Variants in PELI2 observed in about 807,000 individuals in gnomAD.
PELI2 encodes E3 ubiquitin-protein ligase pellino homolog 2.
Under a neutral mutation model 42.3 loss-of-function variants are expected in PELI2, and 23 were observed. The ratio of observed to expected loss-of-function variants is 0.54; its 90% CI spans 0.39 to 0.77. The LOEUF is 0.77. Ranked by LOEUF, PELI2 falls within the 30% of genes least tolerant of loss-of-function variation. PELI2 has a pLI of 0.00. For synonymous variants in PELI2, 245 were observed against 212.2 expected (o/e 1.15, Z -1.34); for missense variants, 463 against 553.2 (o/e 0.84, Z 1.64).
At chr14:56,128,896 G>T (rs1245288028) in intron 1 of PELI2, among the ~76,000 whole-genome samples, 1 of 152,002 alleles carries the variant, frequency 6.6e-6, no homozygotes, top group Admixed American at 6.6e-5. Flanking sequence ...TTGGGGGAGG[G>T]CAGGTTTTTG....
intron 1 of PELI2, among the ~76,000 whole-genome samples, chr14:56,152,210 G>C (rs948321951): frequency 6.6e-6 from 1 of 152,176 alleles, no homozygotes; most frequent in Non-Finnish European, 1.5e-5. Context: ...CCTTCAGATG[G>C]ACAGGTTAGA....
chr14:56,120,426 C>T (rs939475885), intron 1 of PELI2, among the ~76,000 whole-genome samples: 7 of 152,124 alleles, frequency 4.6e-5, no homozygotes, highest in African/African-American at 1.7e-4. Flanking sequence ...GCTGGAAGTG[C>T]AGGGCATTCC....
At chr14:56,248,179 AC>A (rs1293474329) in intron 2 of PELI2, among the ~76,000 whole-genome samples, 3 of 152,244 alleles carry the variant, frequency 2.0e-5, no homozygotes, top group Non-Finnish European at 2.9e-5. Flanking sequence ...AATGTGAAAT[AC>A]AGTCCAAAAA....
rs1176873691 is a variant in PELI2, at chr14:56,197,039, A to G, written c.207+18575A>G. ...GTGTTTAGATTTTTCTTGCATTAGA[A>G]TTTTTTGTTTATTTAATTAATATTA... On this transcript the variant is annotated intron_variant, in intron 2 of 5. Coordinates refer to ENST00000267460, the MANE Select transcript of PELI2 (RefSeq NM_021255.3). This position sits in a 1 kb window ranked among gnomAD's most constrained non-coding sequence, Gnocchi z 4.9. 2.6e-5 allele frequency among the ~76,000 whole-genome samples: 4 copies of G among 151,834 alleles called. No individual in the cohort carries two copies. Among genetic ancestry groups the G allele is most frequent in the Admixed American group, 2.0e-4 (3 of 15,260 alleles).
chr14:56,175,177 G>A (rs143145626), intron 1 of PELI2, among the ~76,000 whole-genome samples: 298 of 152,122 alleles, frequency 2.0e-3, no homozygotes, highest in Non-Finnish European at 3.4e-3. Context: ...CGTATTTTTT[G>A]TAGAGGTGGG....
intron 1 of PELI2, among the ~76,000 whole-genome samples, chr14:56,121,934 A>T (rs1373358018): frequency 6.6e-6 from 1 of 152,232 alleles, no homozygotes; most frequent in Non-Finnish European, 1.5e-5. Flanking sequence ...AGATGTGCGT[A>T]AAAACAGAAT....
chr14:56,281,094 A>G (rs1013916366), intron 3 of PELI2, among the ~76,000 whole-genome samples: 1 of 152,148 alleles, frequency 6.6e-6, no homozygotes, highest in Non-Finnish European at 1.5e-5. Flanking sequence ...CAACATTTCT[A>G]TAGGGCAACA....
Position 56,297,171 on chromosome 14 carries a change from C to T in PELI2, c.*5C>T. On this transcript the variant is annotated 3_prime_UTR_variant, in exon 6 of 6. Transcript: ENST00000267460. ...TTCCAAGGTCCAATTGACTGACGCC[C>T]TTGACAGCCATCTACGACTTTATTA... 6.3e-7 allele frequency: 1 copy of T among 1,582,874 alleles called. No individual in the cohort carries two copies. Among genetic ancestry groups the T allele is most frequent in the Non-Finnish European group, 8.6e-7 (1 of 1,166,316 alleles).
Position 56,147,483 on chromosome 14 carries a change from C to CT in PELI2, c.77+28749dup, listed in dbSNP as rs535296022. ...ATGAAAATCACTGGTGGGATGGCTT[C>CT]TTTCTTTGTCTCTTACTTAACATTC... On this transcript the variant is annotated intron_variant, in intron 1 of 5. Transcript: ENST00000267460. Among the ~76,000 whole-genome samples, 425 of 152,292 alleles carry CT rather than the reference C, an allele frequency of 2.8e-3. 1 individual carries two copies. The highest frequency in any genetic ancestry group is 9.9e-3 in the African/African-American group (410 of 41,540).
rs142084990 is a variant in PELI2 at position 56,296,930 on chromosome 14, C to G, written c.1027C>G (p.Pro343Ala). Reference sequence around the variant, plus strand: ...GTGTCCCATGTGCAGGACTGTGGGCCCCTATGTGCCTCTCTGGCTTGGCTG... The same window carrying G: ...GTGTCCCATGTGCAGGACTGTGGGCGCCTATGTGCCTCTCTGGCTTGGCTG... The part of the protein sequence containing the change: ...RECPMCRTVG[P>A]YVPLWLGCEA... The change falls in exon 6 of 6, where the codon CCC becomes GCC. Residue 343 changes from proline to alanine, a missense_variant. Coordinates refer to ENST00000267460, the MANE Select transcript of PELI2 (RefSeq NM_021255.3). 3.2e-4 allele frequency: 517 copies of G among 1,613,946 alleles called. 1 individual carries two copies. The highest frequency in any genetic ancestry group is 4.2e-4 in the Non-Finnish European group (491 of 1,179,996).
At chr14:56,164,721 T>C (rs748266469) in intron 1 of PELI2, among the ~76,000 whole-genome samples, 7 of 152,124 alleles carry the variant, frequency 4.6e-5, no homozygotes, top group Non-Finnish European at 8.8e-5. Flanking sequence ...TTACTTGTTA[T>C]TGGTCTGTTC....
intron 1 of PELI2, among the ~76,000 whole-genome samples, chr14:56,166,162 A>G (rs916629356): frequency 2.0e-5 from 3 of 152,162 alleles, no homozygotes; most frequent in African/African-American, 4.8e-5. Flanking sequence ...TGAGGATAAC[A>G]TGAGGCTTGC....
intron 1 of PELI2, among the ~76,000 whole-genome samples, chr14:56,158,933 T>A (rs1165391240): frequency 6.6e-6 from 1 of 152,226 alleles, no homozygotes; most frequent in African/African-American, 2.4e-5. Context: ...TTAAAAAGAA[T>A]CTGATTTTCT....
At chr14:56,271,692 A>G (rs1235743484) in intron 2 of PELI2, among the ~76,000 whole-genome samples, 1 of 152,232 alleles carries the variant, frequency 6.6e-6, no homozygotes, top group African/African-American at 2.4e-5. Flanking sequence ...TGTTGAGAAC[A>G]CAAGCGTACA....
intron 2 of PELI2, among the ~76,000 whole-genome samples, chr14:56,243,883 T>C (rs1356935745): frequency 6.6e-6 from 1 of 152,162 alleles, no homozygotes; most frequent in African/African-American, 2.4e-5. Context: ...AAAAGAAAAA[T>C]TGTAAATAGA....
At chr14:56,168,001 C>G (rs1235450232) in intron 1 of PELI2, among the ~76,000 whole-genome samples, 3 of 152,202 alleles carry the variant, frequency 2.0e-5, no homozygotes, top group Non-Finnish European at 4.4e-5. Flanking sequence ...TTTTTCTCTT[C>G]TCTTACTTTC....
chr14:56,141,830 G>A (rs576199544), intron 1 of PELI2, among the ~76,000 whole-genome samples: 30 of 152,226 alleles, frequency 2.0e-4, no homozygotes, highest in Non-Finnish European at 3.4e-4. Context: ...ATTTGGTTGG[G>A]GACACTGAGC....
intron 2 of PELI2, among the ~76,000 whole-genome samples, chr14:56,264,480 C>T (rs548973661): frequency 2.5e-4 from 38 of 152,062 alleles, no homozygotes; most frequent in Non-Finnish European, 4.6e-4. Context: ...GAAAGTGCTA[C>T]AGTAATATGC....
rs1462480593 is a variant in PELI2 at position 56,298,830 on chromosome 14, A to G, written c.*1664A>G. 1 of 152,440 alleles carries G rather than the reference A, an allele frequency of 6.6e-6. No individual in the cohort carries two copies. The highest frequency in any genetic ancestry group is 1.5e-5 in the Non-Finnish European group (1 of 68,028). The allele number at this position is 152,440 out of a possible 1,614,324, so 9.4% of individuals were successfully genotyped here. A position where few individuals can be genotyped will look rare whatever the true frequency, so the allele number is the denominator to read the frequency against. On this transcript the variant is annotated 3_prime_UTR_variant, in exon 6 of 6. Coordinates refer to ENST00000267460, the MANE Select transcript of PELI2 (RefSeq NM_021255.3). ...TGGAGATCATTGTTTAGGATGAGAC[A>G]TTTTTGGTTTTGGTTTTGTTTGGGT... is the stretch of plus-strand genomic sequence containing the variant.
Sources: allele counts gnomAD v4.1 joint callset (sites outside exome capture counted in the v4.1 genomes callset), GRCh38; gene constraint gnomAD v4.1.1; non-coding constraint Gnocchi (gnomAD v3.1); transcripts MANE v1.5; gene names NCBI Gene and HGNC (gene_info 2026-07-23, HGNC 2026-07-21).